Variants in PCDHA9 observed in about 807,000 individuals in gnomAD.
PCDHA9 encodes the protein protocadherin alpha 9, also known as protocadherin alpha-9.
A neutral mutation model predicts 62.0 loss-of-function variants in PCDHA9; 62 were observed. The observed-to-expected ratio is 1.00, with a 90% CI of 0.81 to 1.23. PCDHA9 has a LOEUF of 1.23. PCDHA9 is among the 50% of genes most tolerant of loss of function. PCDHA9 has a pLI of 0.00. For missense variants in PCDHA9, 1,205 were observed against 1,249.8 expected (o/e 0.96, Z 0.54); for synonymous variants, 557 against 567.6 (o/e 0.98, Z 0.27).
intron 1 of PCDHA9, chr5:140,968,891 A>G (rs782512271): frequency 1.5e-5 from 24 of 1,614,060 alleles, no homozygotes; most frequent in South Asian, 1.1e-4. Context: ...CCTTTATCTA[A>G]TAATAGCATT....
intron 1 of PCDHA9, chr5:140,883,940 G>T: frequency 6.2e-7 from 1 of 1,613,412 alleles, no homozygotes; most frequent in Non-Finnish European, 8.5e-7. Flanking sequence ...CGTGCTGGAC[G>T]AGAACGACAA....
rs1400528164 is a variant in PCDHA9, at chr5:140,849,515, T to A, written c.1020T>A (p.Val340=). The change falls in exon 1 of 4, where the codon GTT becomes GTA. Residue 340 remains valine (V), a synonymous_variant. Transcript: ENST00000532602. ...LAGHCTLLVE[V]VDVNDNAPQL... ...GTCATTGTACACTTCTTGTGGAAGT[T>A]GTGGATGTAAATGACAATGCTCCAC... 6.3e-7 allele frequency: 1 copy of A among 1,596,878 alleles called. No individual in the cohort carries two copies. Among genetic ancestry groups the A allele is most frequent in the Non-Finnish European group, 8.6e-7 (1 of 1,167,236 alleles).
At chr5:140,972,729 T>G (rs574244702) in intron 1 of PCDHA9, among the ~76,000 whole-genome samples, 47 of 147,600 alleles carry the variant, frequency 3.2e-4, no homozygotes, top group African/African-American at 1.1e-3. Context: ...AGTGGCGTAA[T>G]CCCGGCTCAC....
At position 140,850,475 on chromosome 5, in the gene PCDHA9, G is replaced by C. The variant is rs2150485791; in HGVS notation, c.1980G>C (p.Thr660=). Residue 660 remains threonine (T), a synonymous_variant, in exon 1 of 4, where the codon ACG becomes ACC. Transcript: ENST00000532602. ...AAGACCACGGGGAGCCAGCGCTGAC[G>C]GCCACGGCCACTGTGCTGGTGTCGC... ...LVKDHGEPAL[T]ATATVLVSLV... The C allele has an allele frequency of 4.4e-6, 7 of 1,597,894 alleles. No homozygotes were observed. The highest frequency in any genetic ancestry group is 1.7e-4 in the Middle Eastern group (1 of 6,022).
chr5:140,869,879 C>A (rs781975601), intron 1 of PCDHA9: 2 of 1,610,194 alleles, frequency 1.2e-6, no homozygotes, highest in Non-Finnish European at 1.7e-6. Flanking sequence ...GCTAAAGAAA[C>A]TCTTGTGCTC....
intron 1 of PCDHA9, among the ~76,000 whole-genome samples, chr5:140,970,860 C>T (rs2096438853): frequency 6.6e-6 from 1 of 152,054 alleles, no homozygotes; most frequent in Non-Finnish European, 1.5e-5. Context: ...AAGTTCCATT[C>T]CTGATTGAGA....
intron 1 of PCDHA9, among the ~76,000 whole-genome samples, chr5:140,977,970 A>G (rs531494024): frequency 2.0e-5 from 3 of 152,332 alleles, no homozygotes; most frequent in South Asian, 4.1e-4. Context: ...ATCTCCGCCC[A>G]TGAAAACGCA....
chr5:140,974,146 A>G (rs1208366709), intron 1 of PCDHA9, among the ~76,000 whole-genome samples: 1 of 152,260 alleles, frequency 6.6e-6, no homozygotes, highest in Non-Finnish European at 1.5e-5. Context: ...TGAAAACTAT[A>G]CAAGGGTTTT....
Position 140,877,206 on chromosome 5 carries a change from C to A in PCDHA9, c.2394+26317C>A, listed in dbSNP as rs782807049. 10 of 1,613,650 alleles carry A rather than the reference C, an allele frequency of 6.2e-6. No homozygotes were observed. The highest frequency in any genetic ancestry group is 8.5e-6 in the Non-Finnish European group (10 of 1,179,798). On this transcript the variant is annotated intron_variant, in intron 1 of 3. Transcript: ENST00000532602. ...CTGGCAGCGCAGGAGGCGCAGTTAG[C>A]GAGTTGGTACCGCGGTCGGTGGGTG...
Position 140,884,183 on chromosome 5 carries a change from G to T in PCDHA9, c.2394+33294G>T, listed in dbSNP as rs201206731. 6.2e-6 allele frequency: 10 copies of T among 1,613,306 alleles called. No individual in the cohort carries two copies. The East Asian group carries it at 6.7e-5, about 11-fold the overall frequency. The stretch of plus-strand genomic sequence containing the variant: ...GATCAGCACGACGCGCCCTCTGGAC[G>T]AGGTGGACGCGCCGCACCACCGCCT... On this transcript the variant is annotated intron_variant, in intron 1 of 3. Transcript: ENST00000532602.
intron 1 of PCDHA9, chr5:140,928,773 T>A: frequency 6.2e-7 from 1 of 1,614,164 alleles, no homozygotes; most frequent in Non-Finnish European, 8.5e-7. Context: ...TTCTTCCCAC[T>A]GATGCAGTTA....
At chr5:140,978,922 C>A (rs569091265) in intron 1 of PCDHA9, 27 bp from the exon 2 acceptor site, 7 of 1,613,966 alleles carry the variant, frequency 4.3e-6, no homozygotes, top group Non-Finnish European at 5.1e-6. Context: ...GTCATTTTAA[C>A]AGAAAACTCT....
At chr5:140,983,379 C>T (rs1169260784) in intron 3 of PCDHA9, among the ~76,000 whole-genome samples, 1 of 152,162 alleles carries the variant, frequency 6.6e-6, no homozygotes, top group Non-Finnish European at 1.5e-5. Context: ...AGGCCCATCG[C>T]TGTGGCAGTT....
chr5:140,870,759 G>C, intron 1 of PCDHA9: 1 of 1,613,572 alleles, frequency 6.2e-7, no homozygotes, highest in South Asian at 1.1e-5. Context: ...CGCTGCAGGT[G>C]TTCGTGCTGG....
chr5:140,883,391 T>C (rs1301270294), intron 1 of PCDHA9: 8 of 1,614,052 alleles, frequency 5.0e-6, no homozygotes, highest in Non-Finnish European at 6.8e-6. Flanking sequence ...AATCAGTGTG[T>C]CCGATCGTGA....
rs2098417418 is a variant in PCDHA9, at chr5:141,010,475, T to A, written c.*538T>A. On this transcript the variant is annotated 3_prime_UTR_variant, in exon 4 of 4. Coordinates refer to ENST00000532602, the MANE Select transcript of PCDHA9 (RefSeq NM_031857.2). ...GGAAGTTATCAGTATGGAGGGGAAG[T>A]GTAAACTTAAAGGGACCAGACTTTC... 16 of 757,310 alleles carry A rather than the reference T, an allele frequency of 2.1e-5. No homozygotes were observed. The highest frequency in any genetic ancestry group is 3.0e-5 in the Non-Finnish European group (15 of 502,774). 46.9% of individuals were successfully genotyped at this position (757,310 alleles called of 1,614,324 possible). A position where few individuals can be genotyped will look rare whatever the true frequency, so the allele number is the denominator to read the frequency against.
intron 1 of PCDHA9, among the ~76,000 whole-genome samples, chr5:140,960,361 T>C (rs1262686301): frequency 2.6e-5 from 4 of 152,194 alleles, no homozygotes; most frequent in Non-Finnish European, 4.4e-5. Context: ...TGAAATAATA[T>C]GCCAACTCTT....
chr5:140,908,276 A>T (rs1554193275), intron 1 of PCDHA9, among the ~76,000 whole-genome samples: 1 of 152,148 alleles, frequency 6.6e-6, no homozygotes, highest in Non-Finnish European at 1.5e-5. Context: ...CCATGAGGCC[A>T]TTGTTGCAAG....
At chr5:140,872,801 C>T (rs2053909345) in intron 1 of PCDHA9, among the ~76,000 whole-genome samples, 1 of 152,086 alleles carries the variant, frequency 6.6e-6, no homozygotes, top group African/African-American at 2.4e-5. Context: ...GGCATTCTTC[C>T]ATAAGTTTTT....
Sources: allele counts gnomAD v4.1 joint callset (sites outside exome capture counted in the v4.1 genomes callset), GRCh38; gene constraint gnomAD v4.1.1; transcripts MANE v1.5; gene names NCBI Gene and HGNC (gene_info 2026-07-23, HGNC 2026-07-21).